The following HERC2 variants were observed in gnomAD, a reference collection of about 807,000 sequenced individuals.
The protein encoded by HERC2 is HECT and RLD domain containing E3 ubiquitin protein ligase 2, also known as E3 ubiquitin-protein ligase HERC2.
In HERC2, 102 loss-of-function variants were observed where a neutral mutation model predicts 537.7. The ratio of observed to expected loss-of-function variants is 0.19; its 90% CI spans 0.16 to 0.22. The LOEUF is 0.22. HERC2 is among the 10% of genes least tolerant of loss of function. The probability of loss-of-function intolerance (pLI) is 1.00; values close to 1 mark genes in which losing one functional copy is unlikely to be tolerated. For missense variants in HERC2, 4,236 were observed against 6,198.2 expected, an observed-to-expected ratio of 0.68 and a Z score of 10.63; for synonymous variants, 2,224 against 2,466.2, an observed-to-expected ratio of 0.90 and a Z score of 2.91.
intron 64 of HERC2, among the ~76,000 whole-genome samples, chr15:28,175,184 G>A (rs1469288377): frequency 4.0e-5 from 6 of 151,616 alleles, no homozygotes; most frequent in South Asian, 2.1e-4. Flanking sequence ...ATCCCTCCTC[G>A]CCAGTTACCA....
chr15:28,246,532 T>G (rs1903720847), intron 22 of HERC2, among the ~76,000 whole-genome samples: 2 of 151,730 alleles, frequency 1.3e-5, no homozygotes, highest in South Asian at 4.2e-4. Flanking sequence ...AAATCTAAAT[T>G]ACCAATTACA....
chr15:28,157,864 T>C (rs943259246), intron 69 of HERC2, among the ~76,000 whole-genome samples: 6 of 152,230 alleles, frequency 3.9e-5, no homozygotes, highest in Non-Finnish European at 5.9e-5. Flanking sequence ...TCCTGCTTTC[T>C]CTTGTGGGCA....
In HERC2 at chr15:28,113,842, A is replaced by AG; in HGVS notation, c.13914-165dup. The AG allele has an allele frequency of 7.8e-6, 5 of 643,182 alleles. No individual in the cohort carries two copies. The South Asian group carries it at 8.9e-5, about 11-fold the overall frequency. The allele number at this position is 643,182 out of a possible 1,614,324, so 39.8% of individuals were successfully genotyped here. ...AGCATGCTTAGCAGCTCGGCACTGC[A>AG]GAGCTTCTCCTGACACTGGGCTCAT... On this transcript the variant is annotated intron_variant, in intron 90 of 92. Coordinates refer to ENST00000261609, the MANE Select transcript of HERC2 (RefSeq NM_004667.6). The surrounding 1 kb of genome is among the most constrained non-coding windows in gnomAD (Gnocchi z 7.0).
rs147073138 is a variant in HERC2 at position 28,314,684 on chromosome 15, G to A, written c.72+6678C>T. ...AGCCTGGCCAACATGATGAAACCCC[G>A]TCTCTACTAAAAATACAAAAAAAAA... On this transcript the variant is annotated intron_variant, in intron 2 of 92. Coordinates refer to ENST00000261609, the MANE Select transcript of HERC2 (RefSeq NM_004667.6). Among the ~76,000 whole-genome samples the A allele has an allele frequency of 4.9e-3, 743 of 151,258 alleles. 7 individuals are homozygous for A. The highest frequency in any genetic ancestry group is 5.8e-3 in the African/African-American group (241 of 41,202).
At chr15:28,204,213 A>G (rs1042064381) in intron 45 of HERC2, among the ~76,000 whole-genome samples, 1 of 152,180 alleles carries the variant, frequency 6.6e-6, no homozygotes, top group Non-Finnish European at 1.5e-5. Context: ...ATAACTGACT[A>G]TAATCAAGGA....
chr15:28,202,273 G>C lies in HERC2; in HGVS notation c.7481-24C>G, dbSNP rs2640409. 34,987 of 1,601,780 alleles carry C rather than the reference G, an allele frequency of 0.022. 930 individuals carry two copies. The highest frequency in any genetic ancestry group is 0.14 in the African/African-American group (10,281 of 71,854). ...ACCTAAGAGAGGCACACACAGCACA[G>C]CAGCCACTGTGAGTCAACAGCCCTG... On this transcript the variant is annotated intron_variant, in intron 46 of 92. Transcript: ENST00000261609.
chr15:28,273,557 A>G (rs2075795829), intron 7 of HERC2, among the ~76,000 whole-genome samples: 1 of 152,224 alleles, frequency 6.6e-6, no homozygotes, highest in Admixed American at 6.5e-5. Context: ...TGAATTTGTG[A>G]AATCAACTCC....
intron 2 of HERC2, among the ~76,000 whole-genome samples, chr15:28,309,526 C>T (rs547993193): frequency 1.9e-4 from 29 of 152,244 alleles, no homozygotes; most frequent in South Asian, 1.0e-3. Context: ...TCCATCCCCC[C>T]GCACCGTCCT....
chr15:28,151,339 T>C (rs1474628793), intron 70 of HERC2, among the ~76,000 whole-genome samples: 1 of 152,110 alleles, frequency 6.6e-6, no homozygotes, highest in Non-Finnish European at 1.5e-5. Context: ...CAAGGTGGCA[T>C]GTGTCTGTAC....
intron 78 of HERC2, among the ~76,000 whole-genome samples, chr15:28,141,207 C>T (rs1195343258): frequency 1.3e-5 from 2 of 151,848 alleles, no homozygotes; most frequent in African/African-American, 4.8e-5. Flanking sequence ...CATTGCACTC[C>T]AGCCTGGGCA....
intron 36 of HERC2, among the ~76,000 whole-genome samples, chr15:28,221,059 C>A (rs1175248830): frequency 1.3e-5 from 2 of 149,150 alleles, no homozygotes; most frequent in Non-Finnish European, 3.0e-5. Flanking sequence ...CAGATGTCGC[C>A]ATATGCCACC....
intron 44 of HERC2, among the ~76,000 whole-genome samples, chr15:28,209,632 C>T (rs1226523126): frequency 2.0e-5 from 3 of 152,088 alleles, no homozygotes; most frequent in Non-Finnish European, 4.4e-5. Flanking sequence ...CATGAGCCAC[C>T]GCGCCAGGCC....
At chr15:28,318,343 C>A (rs1431196716) in intron 2 of HERC2, among the ~76,000 whole-genome samples, 1 of 152,008 alleles carries the variant, frequency 6.6e-6, no homozygotes, top group African/African-American at 2.4e-5. Flanking sequence ...AAGTGTTGAA[C>A]AGGCCGGGCG....
chr15:28,121,219 G>A (rs1888848270), intron 86 of HERC2, 127 bp downstream of exon 86: 2 of 739,628 alleles, frequency 2.7e-6, no homozygotes, highest in African/African-American at 1.7e-5. Flanking sequence ...AAAGGAAGGT[G>A]GCACCTGCTC....
chr15:28,165,397 T>C (rs1314884846), intron 68 of HERC2, among the ~76,000 whole-genome samples: 1 of 152,150 alleles, frequency 6.6e-6, no homozygotes, highest in Non-Finnish European at 1.5e-5. Context: ...AAGTTATAAA[T>C]ACAGAAAGGG....
At chr15:28,159,579 C>A (rs1425390961) in intron 69 of HERC2, among the ~76,000 whole-genome samples, 7 of 152,242 alleles carry the variant, frequency 4.6e-5, no homozygotes, top group Non-Finnish European at 1.5e-5. Flanking sequence ...GTTTTCAGCT[C>A]CATCAGCTCC....
intron 83 of HERC2, among the ~76,000 whole-genome samples, 155 bp from the exon 84 acceptor site, chr15:28,125,348 T>C (rs1485098313): frequency 6.6e-6 from 1 of 152,264 alleles, no homozygotes; most frequent in Non-Finnish European, 1.5e-5. Context: ...GACATGAATG[T>C]CTGCTTTAGG....
rs375908643 is a variant in HERC2, at chr15:28,187,051, GT to G, written c.8650-300del. ...TTACTGAATGACTGCAAACTCTTCC[GT>G]CTTAGAGCTTTCTTGAACCAAGATG... On this transcript the variant is annotated intron_variant, in intron 55 of 92. Coordinates refer to ENST00000261609, the MANE Select transcript of HERC2 (RefSeq NM_004667.6). 4.3e-3 allele frequency among the ~76,000 whole-genome samples: 653 copies of G among 152,260 alleles called. 7 individuals are homozygous for G. The highest frequency in any genetic ancestry group is 0.015 in the African/African-American group (613 of 41,562).
intron 65 of HERC2, among the ~76,000 whole-genome samples, chr15:28,171,508 G>A (rs1363485723): frequency 3.3e-5 from 5 of 152,090 alleles, no homozygotes; most frequent in Non-Finnish European, 2.9e-5. Flanking sequence ...CATACAGCCA[G>A]TAACTAACAC....
Sources: gnomAD v4.1 joint callset for allele counts (sites outside exome capture counted in the v4.1 genomes callset) on GRCh38, gnomAD v4.1.1 for gene constraint, Gnocchi (gnomAD v3.1) non-coding constraint, MANE v1.5 for transcripts, NCBI Gene and HGNC (gene_info 2026-07-23, HGNC 2026-07-21) for gene names.